Variants in CDYL observed in about 807,000 individuals in gnomAD.
CDYL encodes the protein chromodomain Y like.
Under a neutral mutation model 47.3 loss-of-function variants are expected in CDYL, and 8 were observed. The observed-to-expected ratio is 0.17, with a 90% CI of 0.10 to 0.31. CDYL has a LOEUF of 0.31. Among genes scored for constraint, CDYL ranks in the 10% least tolerant of loss-of-function variants. The pLI, the probability that CDYL is intolerant of heterozygous loss-of-function variation, is 1.00. For synonymous variants in CDYL, 266 were observed against 265.0 expected, an observed-to-expected ratio of 1.00 and a Z score of -0.04; for missense variants, 471 against 701.4, an observed-to-expected ratio of 0.67 and a Z score of 3.71.
At chr6:4,781,899 C>T (rs1758627625) in intron 1 of CDYL, among the ~76,000 whole-genome samples, 1 of 152,110 alleles carries the variant, frequency 6.6e-6, no homozygotes, top group African/African-American at 2.4e-5. Flanking sequence ...GGTCTTTTTT[C>T]AATTCAGATT....
At chr6:4,797,329 G>T (rs1014972112) in intron 1 of CDYL, among the ~76,000 whole-genome samples, 3 of 151,730 alleles carry the variant, frequency 2.0e-5, no homozygotes, top group Non-Finnish European at 4.4e-5. Context: ...TAAATTTCCC[G>T]ACATTTCATT....
intron 1 of CDYL, among the ~76,000 whole-genome samples, chr6:4,850,523 A>C (rs761470320): frequency 2.0e-5 from 3 of 152,210 alleles, no homozygotes; most frequent in Non-Finnish European, 4.4e-5. Context: ...TTATTCTATA[A>C]GTTTCTTAAT....
chr6:4,834,460 C>G (rs1308881841), intron 1 of CDYL, among the ~76,000 whole-genome samples: 49 of 148,768 alleles, frequency 3.3e-4, no homozygotes, highest in Non-Finnish European at 5.5e-4. Flanking sequence ...GTCTGATGGG[C>G]TTCCCTTTGT....
At chr6:4,835,802 C>T (rs1760283175) in intron 1 of CDYL, among the ~76,000 whole-genome samples, 1 of 152,198 alleles carries the variant, frequency 6.6e-6, no homozygotes, top group South Asian at 2.1e-4. Flanking sequence ...CTCTCCCAGC[C>T]TCGTTGCCGC....
intron 1 of CDYL, among the ~76,000 whole-genome samples, chr6:4,821,257 ATTCT>A (rs1261501006): frequency 5.6e-5 from 7 of 125,512 alleles, no homozygotes; most frequent in African/African-American, 1.9e-4. Flanking sequence ...TCATATGGGA[ATTCT>A]TTTTTTTTTT....
intron 1 of CDYL, among the ~76,000 whole-genome samples, chr6:4,710,982 C>T (rs886808083): frequency 6.6e-6 from 1 of 151,768 alleles, no homozygotes; most frequent in Non-Finnish European, 1.5e-5. Flanking sequence ...TGTTAATTTG[C>T]TTGACTGTAG....
chr6:4,824,215 C>G (rs1759918037), intron 1 of CDYL, among the ~76,000 whole-genome samples: 1 of 151,928 alleles, frequency 6.6e-6, no homozygotes, highest in Admixed American at 6.6e-5. Context: ...TAATTGAGTC[C>G]CTGTTTTCAG....
chr6:4,707,532 A>G (rs1374080817), intron 1 of CDYL, among the ~76,000 whole-genome samples: 4 of 152,166 alleles, frequency 2.6e-5, no homozygotes, highest in Non-Finnish European at 5.9e-5. Context: ...TCGGCCTCCC[A>G]AAGTGCTGGG....
intron 2 of CDYL, among the ~76,000 whole-genome samples, chr6:4,897,729 C>G (rs1023869308): frequency 4.1e-5 from 6 of 147,002 alleles, no homozygotes; most frequent in Non-Finnish European, 6.0e-5. Flanking sequence ...CCAGCCTGGG[C>G]AACATAGTAA....
At chr6:4,776,078 G>C (rs1464716917), upstream of CDYL, among the ~76,000 whole-genome samples, 2 of 150,412 alleles carry the variant, frequency 1.3e-5, no homozygotes, top group Non-Finnish European at 3.0e-5. Flanking sequence ...CGCCCACGTC[G>C]AGGCGGGCTG....
chr6:4,939,187 TTAC>T (rs1185153099), intron 4 of CDYL, among the ~76,000 whole-genome samples: 3 of 152,230 alleles, frequency 2.0e-5, no homozygotes, highest in Non-Finnish European at 4.4e-5. Flanking sequence ...CTTTTGATAG[TTAC>T]TAGGCTCCAG....
intron 2 of CDYL, among the ~76,000 whole-genome samples, chr6:4,717,095 A>T (rs1757279023): frequency 6.6e-6 from 1 of 152,142 alleles, no homozygotes; most frequent in Non-Finnish European, 1.5e-5. Context: ...ATCAGGAAGA[A>T]AAGGGTGGGT....
chr6:4,721,249 T>C (rs948718527), intron 2 of CDYL, among the ~76,000 whole-genome samples: 3 of 152,304 alleles, frequency 2.0e-5, no homozygotes, highest in South Asian at 4.1e-4. Flanking sequence ...ATGCAGCACG[T>C]AGTCCTTCTC....
intron 1 of CDYL, among the ~76,000 whole-genome samples, chr6:4,824,083 G>C (rs1004203719): frequency 2.0e-5 from 3 of 152,166 alleles, no homozygotes; most frequent in African/African-American, 7.2e-5. Context: ...GTTTATGACT[G>C]AATAATACTC....
rs140549737 is a variant in CDYL at position 4,920,014 on chromosome 6, C to G, written c.692-15501C>G. On this transcript the variant is annotated intron_variant, in intron 2 of 6. Transcript: ENST00000397588. ...CCTATCCGCAGAATGGAATATGAAT[C>G]AGCCTTAAAAAGCATGGAGATTCTC... 2.3e-3 allele frequency among the ~76,000 whole-genome samples: 352 copies of G among 152,290 alleles called. 1 individual carries two copies. The highest frequency in any genetic ancestry group is 7.3e-3 in the African/African-American group (303 of 41,560).
intron 1 of CDYL, among the ~76,000 whole-genome samples, chr6:4,855,513 G>A (rs2127465741): frequency 6.6e-6 from 1 of 152,292 alleles, no homozygotes; most frequent in Middle Eastern, 3.4e-3. Flanking sequence ...AATGTGCCAA[G>A]AAGGCATAGA....
At chr6:4,841,503 T>C (rs1581204669) in intron 1 of CDYL, among the ~76,000 whole-genome samples, 1 of 152,292 alleles carries the variant, frequency 6.6e-6, no homozygotes, top group East Asian at 1.9e-4. Flanking sequence ...TTGTTCTCTT[T>C]CAGACTTTTC....
intron 1 of CDYL, among the ~76,000 whole-genome samples, chr6:4,794,440 G>T (rs1460589839): frequency 6.6e-6 from 1 of 152,138 alleles, no homozygotes; most frequent in East Asian, 1.9e-4. Context: ...GGGAAGAGAG[G>T]ATTTAGAGGT....
intron 3 of CDYL, among the ~76,000 whole-genome samples, chr6:4,767,843 A>G (rs1258513398): frequency 6.6e-6 from 1 of 152,228 alleles, no homozygotes; most frequent in Non-Finnish European, 1.5e-5. Flanking sequence ...GTCCACCAAA[A>G]CTTTATTTTG....
Sources: allele counts gnomAD v4.1 joint callset (sites outside exome capture counted in the v4.1 genomes callset), GRCh38; gene constraint gnomAD v4.1.1; transcripts MANE v1.5; gene names NCBI Gene and HGNC (gene_info 2026-07-23, HGNC 2026-07-21).